Variants in CHP1 observed in about 807,000 individuals in gnomAD.
CHP1 encodes calcineurin like EF-hand protein 1, also known as calcineurin B homologous protein 1.
A neutral mutation model predicts 27.4 loss-of-function variants in CHP1; 11 were observed. The observed-to-expected ratio is 0.40, with a 90% CI of 0.25 to 0.67. The LOEUF is 0.67. CHP1 is among the 30% of genes least tolerant of loss of function. The pLI is 0.38. For synonymous variants in CHP1, 89 were observed against 87.4 expected (o/e 1.02, Z -0.10); for missense variants, 169 against 251.3 (o/e 0.67, Z 2.22).
chr15:41,260,528 G>A (rs537529995), intron 3 of CHP1, among the ~76,000 whole-genome samples: 1 of 151,592 alleles, frequency 6.6e-6, no homozygotes, highest in African/African-American at 2.4e-5. Flanking sequence ...TCAAGTAGCT[G>A]GGATTACAGG....
At chr15:41,263,892 C>T (rs949191543) in intron 4 of CHP1, among the ~76,000 whole-genome samples, 11 of 152,216 alleles carry the variant, frequency 7.2e-5, no homozygotes, top group Middle Eastern at 3.4e-3. Flanking sequence ...GAAAACAAAA[C>T]AAAATCTTCG....
chr15:41,244,273 C>T (rs1007836935), intron 2 of CHP1, among the ~76,000 whole-genome samples: 1 of 151,744 alleles, frequency 6.6e-6, no homozygotes, highest in African/African-American at 2.4e-5. Context: ...TCCAACTCCC[C>T]TTAATTTAGG....
intron 5 of CHP1, among the ~76,000 whole-genome samples, chr15:41,272,644 C>T (rs555890410): frequency 1.3e-5 from 2 of 152,166 alleles, no homozygotes; most frequent in Middle Eastern, 3.4e-3. Context: ...TGGTCTCGAA[C>T]TCTTGGGCTC....
At chr15:41,251,610 T>C (rs2047367121) in intron 2 of CHP1, among the ~76,000 whole-genome samples, 1 of 152,226 alleles carries the variant, frequency 6.6e-6, no homozygotes, top group Admixed American at 6.5e-5. Flanking sequence ...TAGATTCTCA[T>C]AGGAACAGAA....
chr15:41,264,676 C>T (rs1028853884), intron 4 of CHP1, among the ~76,000 whole-genome samples: 3 of 152,134 alleles, frequency 2.0e-5, no homozygotes, highest in Non-Finnish European at 4.4e-5. Flanking sequence ...AAATCTTGGA[C>T]GCAAGCAGTC....
chr15:41,266,776 T>C (rs1176828992), intron 4 of CHP1, among the ~76,000 whole-genome samples: 1 of 151,970 alleles, frequency 6.6e-6, no homozygotes, highest in Admixed American at 6.6e-5. Context: ...CCAAGGTGGG[T>C]GAATCATGAG....
rs538923731 is a variant in CHP1, at chr15:41,273,856, G to A, written c.411+3238G>A. ...CTCGGGAGGCTGAAGTAGGAGAATC[G>A]CTTGAAACCAGGAGGAGGAGGTTGC... On this transcript the variant is annotated intron_variant, in intron 5 of 6. Coordinates refer to ENST00000334660, the MANE Select transcript of CHP1 (RefSeq NM_007236.5). Among the ~76,000 whole-genome samples, 130 of 151,662 alleles carry A rather than the reference G, an allele frequency of 8.6e-4. 1 individual carries two copies. The highest frequency in any genetic ancestry group is 6.8e-3 in the Middle Eastern group (2 of 294).
chr15:41,251,372 A>G (rs1454236184), intron 2 of CHP1, among the ~76,000 whole-genome samples: 2 of 152,120 alleles, frequency 1.3e-5, no homozygotes, highest in Non-Finnish European at 2.9e-5. Flanking sequence ...CAGAACAAAG[A>G]ATATTTAAAG....
chr15:41,246,234 A>G (rs2047333663), intron 2 of CHP1, among the ~76,000 whole-genome samples: 1 of 152,106 alleles, frequency 6.6e-6, no homozygotes, highest in Non-Finnish European at 1.5e-5. Flanking sequence ...TCTTCTTTGT[A>G]GAAAGTGGGT....
chr15:41,235,742 G>A (rs1261879303), intron 1 of CHP1, among the ~76,000 whole-genome samples: 1 of 152,136 alleles, frequency 6.6e-6, no homozygotes, highest in Non-Finnish European at 1.5e-5. Flanking sequence ...CAGAGTACAA[G>A]CCTGGCAAAG....
intron 3 of CHP1, among the ~76,000 whole-genome samples, chr15:41,258,129 CACAT>C (rs1331114336): frequency 6.6e-6 from 1 of 151,392 alleles, no homozygotes; most frequent in Non-Finnish European, 1.5e-5. Context: ...TACATACATA[CACAT>C]ACATACATGT....
chr15:41,256,869 G>A lies in CHP1; in HGVS notation c.141-41G>A, dbSNP rs760298205. On this transcript the variant is annotated intron_variant, in intron 2 of 6. Transcript: ENST00000334660. Reference sequence around the variant, plus strand: ...CCTGACTTAAGGAGTTCATGCTAAGGGCAATGATCTCTATCTAACTCAAGG... The same window carrying A: ...CCTGACTTAAGGAGTTCATGCTAAGAGCAATGATCTCTATCTAACTCAAGG... 6 of 1,536,628 alleles carry A rather than the reference G, an allele frequency of 3.9e-6. No individual in the cohort carries two copies. The South Asian group carries it at 5.6e-5, about 14-fold the overall frequency.
intron 1 of CHP1, among the ~76,000 whole-genome samples, chr15:41,236,651 G>C (rs1338683807): frequency 6.6e-6 from 1 of 152,132 alleles, no homozygotes; most frequent in Non-Finnish European, 1.5e-5. Context: ...CCCAGCAGCA[G>C]CTGCGAAGAT....
At chr15:41,236,079 C>CTT (rs11292013) in intron 1 of CHP1, among the ~76,000 whole-genome samples, 5 of 138,432 alleles carry the variant, frequency 3.6e-5, no homozygotes, top group African/African-American at 5.5e-5. Context: ...ACCCTAAGAA[C>CTT]TTTTTTTTTT....
At chr15:41,275,681 C>A (rs913615439) in intron 5 of CHP1, among the ~76,000 whole-genome samples, 6 of 152,110 alleles carry the variant, frequency 3.9e-5, no homozygotes, top group African/African-American at 1.2e-4. Flanking sequence ...AGACCATCCT[C>A]CTGCCTCAGC....
chr15:41,245,994 A>G (rs1433815931), intron 2 of CHP1, among the ~76,000 whole-genome samples: 1 of 152,176 alleles, frequency 6.6e-6, no homozygotes, highest in Non-Finnish European at 1.5e-5. Flanking sequence ...GGTGTCAGAG[A>G]AGAGTCCAAC....
intron 3 of CHP1, among the ~76,000 whole-genome samples, chr15:41,260,200 C>A (rs994446209): frequency 6.6e-6 from 1 of 151,494 alleles, no homozygotes; most frequent in Admixed American, 6.6e-5. Context: ...ACCACAGGAA[C>A]CAGGCCATCT....
At chr15:41,235,028 G>A (rs1163391676) in intron 1 of CHP1, among the ~76,000 whole-genome samples, 4 of 152,140 alleles carry the variant, frequency 2.6e-5, no homozygotes, top group Non-Finnish European at 5.9e-5. Context: ...AACAGGAATT[G>A]TCTAAGAAAT....
In CHP1 at chr15:41,281,853, C is replaced by T. The variant is rs28639784; in HGVS notation, c.*2464C>T. The T allele has an allele frequency of 0.083, 12,705 of 152,588 alleles. 683 individuals carry two copies. Among genetic ancestry groups the T allele is most frequent in the East Asian group, 0.16 (829 of 5,174 alleles). 9.5% of individuals were successfully genotyped at this position (152,588 alleles called of 1,614,324 possible). A position where few individuals can be genotyped will look rare whatever the true frequency, so the allele number is the denominator to read the frequency against. On this transcript the variant is annotated 3_prime_UTR_variant, in exon 7 of 7. Coordinates refer to ENST00000334660, the MANE Select transcript of CHP1 (RefSeq NM_007236.5). ...TATTGTTCCATTAAAATTGTATCTT[C>T]GATCCATCAATAAATACTTGTGGTT...
Sources: allele counts gnomAD v4.1 joint callset (sites outside exome capture counted in the v4.1 genomes callset), GRCh38; gene constraint gnomAD v4.1.1; transcripts MANE v1.5; gene names NCBI Gene and HGNC (gene_info 2026-07-23, HGNC 2026-07-21).